Variants in PRKN observed in about 807,000 individuals in gnomAD.
The protein encoded by PRKN is parkin RBR E3 ubiquitin protein ligase.
A neutral mutation model predicts 59.5 loss-of-function variants in PRKN; 56 were observed. That is an observed-to-expected ratio of 0.94 (90% CI 0.76 to 1.18). PRKN has a LOEUF of 1.18. Among genes scored for constraint, PRKN ranks in the 50% most tolerant of loss-of-function variants. The pLI is 0.00. For synonymous variants in PRKN, 250 were observed against 222.1 expected, an observed-to-expected ratio of 1.13 and a Z score of -1.12; for missense variants, 657 against 596.4, an observed-to-expected ratio of 1.10 and a Z score of -1.06.
chr6:162,647,826 T>C (rs1778245763), intron 1 of PRKN, among the ~76,000 whole-genome samples: 1 of 151,834 alleles, frequency 6.6e-6, no homozygotes, highest in Admixed American at 6.6e-5. Context: ...CTTTCCTCTG[T>C]CACCACTTTA....
intron 1 of PRKN, among the ~76,000 whole-genome samples, chr6:162,560,131 C>T (rs769818215): frequency 2.6e-5 from 4 of 152,160 alleles, no homozygotes; most frequent in Non-Finnish European, 4.4e-5. Context: ...CTTTCCCCTA[C>T]TACATTCGTT....
Position 162,443,389 on chromosome 6 carries a change from G to T in PRKN, c.92C>A (p.Ala31Asp), listed in dbSNP as rs1285335787. Residue 31 changes from alanine (A) to aspartate (D), a missense_variant, in exon 2 of 12, where the codon GCT becomes GAT. Coordinates refer to ENST00000366898, the MANE Select transcript of PRKN (RefSeq NM_004562.3). ...GTCAGCCGGAACCCCCTGTCGCTTA[G>T]CAACCACCTCCTTGAGCTGGAAGAT... ...TSIFQLKEVV[A>D]KRQGVPADQL... 4.3e-6 allele frequency: 7 copies of T among 1,613,870 alleles called. No individual in the cohort carries two copies. The South Asian group carries it at 7.7e-5, about 18-fold the overall frequency.
chr6:162,629,860 T>C (rs1783039223), intron 1 of PRKN, among the ~76,000 whole-genome samples: 1 of 152,178 alleles, frequency 6.6e-6, no homozygotes, highest in Admixed American at 6.6e-5. Context: ...CTGAATAGCA[T>C]GTCAGAGAAA....
chr6:162,169,265 T>G (rs1783143495), intron 4 of PRKN, among the ~76,000 whole-genome samples: 1 of 152,228 alleles, frequency 6.6e-6, no homozygotes, highest in African/African-American at 2.4e-5. Flanking sequence ...TTTTATTAGC[T>G]GAGGGACTTC....
At chr6:162,430,388 A>G (rs1789460280) in intron 2 of PRKN, among the ~76,000 whole-genome samples, 1 of 152,202 alleles carries the variant, frequency 6.6e-6, no homozygotes, top group Non-Finnish European at 1.5e-5. Context: ...GGCATAAGCT[A>G]CATTCCAACC....
chr6:161,481,910 AG>A (rs1454883699), intron 9 of PRKN, among the ~76,000 whole-genome samples: 3 of 148,588 alleles, frequency 2.0e-5, no homozygotes, highest in Admixed American at 2.0e-4. Context: ...GAAGGAAGGA[AG>A]GGAGGGAGGG....
chr6:162,685,321 T>C lies in PRKN; in HGVS notation c.7+42341A>G, dbSNP rs116571022. Among the ~76,000 whole-genome samples the C allele has an allele frequency of 5.1e-3, 784 of 152,328 alleles. 7 individuals are homozygous for C. Among genetic ancestry groups the C allele is most frequent in the African/African-American group, 0.017 (716 of 41,576 alleles). On this transcript the variant is annotated intron_variant, in intron 1 of 11. Coordinates refer to ENST00000366898, the MANE Select transcript of PRKN (RefSeq NM_004562.3). ...TTTTGACTAGAGATATACTGTGTTT[T>C]AAAACTTCTAGTTTTAATAAATTTA...
chr6:162,604,574 C>A (rs988322143), intron 1 of PRKN, among the ~76,000 whole-genome samples: 2 of 152,038 alleles, frequency 1.3e-5, no homozygotes, highest in African/African-American at 4.8e-5. Context: ...AAAATAAAAT[C>A]TTTTCTGGGT....
In PRKN at chr6:161,461,154, G is replaced by A. The variant is rs868863852; in HGVS notation, c.1084-74277C>T. On this transcript the variant is annotated intron_variant, in intron 9 of 11. Coordinates refer to ENST00000366898, the MANE Select transcript of PRKN (RefSeq NM_004562.3). This position sits in a 1 kb window ranked among gnomAD's most constrained non-coding sequence, Gnocchi z 5.1. The stretch of plus-strand genomic sequence containing the variant: ...GAAAACAGAACTGAACGTCAAGTTT[G>A]TCCTCAGGGACAGAGAAAGAGTTTT... 1.3e-4 allele frequency among the ~76,000 whole-genome samples: 20 copies of A among 152,308 alleles called. No individual in the cohort carries two copies. The highest frequency in any genetic ancestry group is 6.8e-3 in the Middle Eastern group (2 of 294).
intron 6 of PRKN, among the ~76,000 whole-genome samples, chr6:161,877,956 T>C (rs1794798193): frequency 6.6e-6 from 1 of 151,810 alleles, no homozygotes; most frequent in South Asian, 2.2e-4. Flanking sequence ...GTGGGCTCAT[T>C]TTATGCAAAA....
At chr6:162,375,762 C>A (rs1376271181) in intron 2 of PRKN, among the ~76,000 whole-genome samples, 6 of 151,698 alleles carry the variant, frequency 4.0e-5, no homozygotes, top group Non-Finnish European at 5.9e-5. Context: ...CACACACACA[C>A]ACAAACACAC....
Position 161,584,348 on chromosome 6 carries a change from T to A in PRKN, c.872-14932A>T, listed in dbSNP as rs2128138917. On this transcript the variant is annotated intron_variant, in intron 7 of 11. Transcript: ENST00000366898. This position sits in a 1 kb window ranked among gnomAD's most constrained non-coding sequence, Gnocchi z 4.8. ...GTGACTCATAGAGCAGTCACCCACA[T>A]AATTGCTCTGAATATAATGGTGCTG... 6.6e-6 allele frequency among the ~76,000 whole-genome samples: 1 copy of A among 152,288 alleles called. No individual in the cohort carries two copies. Among genetic ancestry groups the A allele is most frequent in the African/African-American group, 2.4e-5 (1 of 41,558 alleles).
Position 162,028,314 on chromosome 6 carries a change from G to A in PRKN, c.618+25777C>T, listed in dbSNP as rs181673053. Among the ~76,000 whole-genome samples the A allele has an allele frequency of 2.6e-5, 4 of 152,302 alleles. No individual in the cohort carries two copies. The East Asian group carries it at 7.7e-4, about 29-fold the overall frequency. ...AGGCTTAAATTCCCCTTTGGAACAA[G>A]TATGTCAATGTTTTCAGTGAACCAT... is the stretch of plus-strand genomic sequence containing the variant. On this transcript the variant is annotated intron_variant, in intron 5 of 11. Transcript: ENST00000366898.
intron 4 of PRKN, among the ~76,000 whole-genome samples, chr6:162,132,404 A>T (rs1449951126): frequency 6.6e-6 from 1 of 152,168 alleles, no homozygotes; most frequent in Non-Finnish European, 1.5e-5. Flanking sequence ...CAAGGCACAC[A>T]ATAGAATACT....
At chr6:161,664,075 G>A (rs1289901888) in intron 7 of PRKN, among the ~76,000 whole-genome samples, 1 of 152,216 alleles carries the variant, frequency 6.6e-6, no homozygotes, top group African/African-American at 2.4e-5. Context: ...TTTCTGGTAA[G>A]TCACTCCCTG....
intron 1 of PRKN, among the ~76,000 whole-genome samples, chr6:162,533,193 C>G (rs1234326480): frequency 6.6e-6 from 1 of 152,206 alleles, no homozygotes; most frequent in Non-Finnish European, 1.5e-5. Context: ...TACCCAGTTA[C>G]AATGCTATTG....
In PRKN at chr6:161,475,919, G is replaced by T. The variant is rs1052517664; in HGVS notation, c.1083+72935C>A. Among the ~76,000 whole-genome samples the T allele has an allele frequency of 2.0e-5, 3 of 151,986 alleles. No homozygotes were observed. The highest frequency in any genetic ancestry group is 7.2e-5 in the African/African-American group (3 of 41,388). On this transcript the variant is annotated intron_variant, in intron 9 of 11. Transcript: ENST00000366898. This position sits in a 1 kb window ranked among gnomAD's most constrained non-coding sequence, Gnocchi z 5.3. ...TATTCAAGATAGGCTGGTCGCGGTG[G>T]CTCACGCCTGTAATCCCAGCATTTT...
intron 5 of PRKN, among the ~76,000 whole-genome samples, chr6:161,975,243 G>A (rs537244024): frequency 2.0e-5 from 3 of 151,968 alleles, no homozygotes; most frequent in Non-Finnish European, 2.9e-5. Flanking sequence ...CCGCCACCAC[G>A]CCTGGCCAAT....
chr6:162,019,378 T>C (rs926255253), intron 5 of PRKN, among the ~76,000 whole-genome samples: 3 of 152,146 alleles, frequency 2.0e-5, no homozygotes, highest in Non-Finnish European at 4.4e-5. Context: ...AAAGAATACT[T>C]TGAGGGGCAC....
Sources: gnomAD v4.1 joint callset for allele counts (sites outside exome capture counted in the v4.1 genomes callset) on GRCh38, gnomAD v4.1.1 for gene constraint, Gnocchi (gnomAD v3.1) non-coding constraint, MANE v1.5 for transcripts, NCBI Gene and HGNC (gene_info 2026-07-23, HGNC 2026-07-21) for gene names.